Variants in ADGRL2 observed in about 807,000 individuals in gnomAD.
ADGRL2 encodes the protein calcium-independent alpha-latrotoxin receptor 2.
Under a neutral mutation model 157.4 loss-of-function variants are expected in ADGRL2, and 44 were observed. The observed-to-expected ratio is 0.28, with a 90% CI of 0.22 to 0.36. The LOEUF (loss-of-function observed/expected upper bound fraction) is 0.36. Among genes scored for constraint, ADGRL2 ranks in the 10% least tolerant of loss-of-function variants. ADGRL2 has a pLI of 1.00. For missense variants in ADGRL2, 1,510 were observed against 1,768.9 expected (o/e 0.85, Z 2.63); for synonymous variants, 585 against 624.7 (o/e 0.94, Z 0.95).
At chr1:81,449,087 T>A (rs969218829) in intron 2 of ADGRL2, among the ~76,000 whole-genome samples, 1 of 152,186 alleles carries the variant, frequency 6.6e-6, no homozygotes, top group Non-Finnish European at 1.5e-5. Flanking sequence ...AAGATGTGGT[T>A]TGAATAATGA....
intron 1 of ADGRL2, among the ~76,000 whole-genome samples, chr1:81,396,955 G>T (rs1016731010): frequency 5.3e-5 from 8 of 152,048 alleles, no homozygotes; most frequent in Non-Finnish European, 1.2e-4. Context: ...TTGTGTTCTT[G>T]TCTGATTTTG....
At chr1:81,988,664 A>G (rs2149521083) in intron 23 of ADGRL2, among the ~76,000 whole-genome samples, 1 of 152,262 alleles carries the variant, frequency 6.6e-6, no homozygotes, top group East Asian at 1.9e-4. Flanking sequence ...CAAATCACTA[A>G]CAAATATAAT....
intron 1 of ADGRL2, among the ~76,000 whole-genome samples, chr1:81,701,435 G>A (rs541677208): frequency 8.5e-5 from 13 of 152,188 alleles, no homozygotes; most frequent in Admixed American, 5.2e-4. Flanking sequence ...CTTTTCTGTC[G>A]AATCTAGTAT....
At chr1:81,545,600 T>C (rs954983410) in intron 2 of ADGRL2, among the ~76,000 whole-genome samples, 1 of 152,142 alleles carries the variant, frequency 6.6e-6, no homozygotes, top group South Asian at 2.1e-4. Context: ...CTAATGAGCA[T>C]CTAAGTTCCA....
intron 1 of ADGRL2, among the ~76,000 whole-genome samples, chr1:81,324,950 C>T (rs965548642): frequency 6.6e-6 from 1 of 152,062 alleles, no homozygotes; most frequent in African/African-American, 2.4e-5. Flanking sequence ...CTCCTGGCCT[C>T]AGGTGATCCA....
intron 3 of ADGRL2, among the ~76,000 whole-genome samples, chr1:81,914,466 A>G (rs1038938819): frequency 6.6e-6 from 1 of 152,152 alleles, no homozygotes; most frequent in Non-Finnish European, 1.5e-5. Flanking sequence ...CTTGCTTAGC[A>G]TATTCATTCA....
At chr1:81,636,640 A>G (rs2148781712) in intron 3 of ADGRL2, among the ~76,000 whole-genome samples, 1 of 152,278 alleles carries the variant, frequency 6.6e-6, no homozygotes, top group African/African-American at 2.4e-5. Flanking sequence ...AGTTTTCCCC[A>G]AACTGAGCTC....
chr1:81,811,593 T>G (rs1203681469), intron 1 of ADGRL2, among the ~76,000 whole-genome samples: 1 of 151,692 alleles, frequency 6.6e-6, no homozygotes. Flanking sequence ...GAAGAGCACA[T>G]TGTGTAAACA....
intron 17 of ADGRL2, among the ~76,000 whole-genome samples, chr1:81,977,821 C>T (rs1297362785): frequency 6.6e-6 from 1 of 151,576 alleles, no homozygotes; most frequent in Non-Finnish European, 1.5e-5. Flanking sequence ...AAAAAAAACC[C>T]TTATGTTCAG....
At chr1:81,487,760 G>A (rs1056550778) in intron 2 of ADGRL2, among the ~76,000 whole-genome samples, 2 of 152,046 alleles carry the variant, frequency 1.3e-5, no homozygotes, top group African/African-American at 4.8e-5. Context: ...CCATGTTAAG[G>A]TTATACTCCA....
intron 2 of ADGRL2, among the ~76,000 whole-genome samples, chr1:81,858,438 A>T (rs574895199): frequency 6.6e-6 from 1 of 152,330 alleles, no homozygotes; most frequent in South Asian, 2.1e-4. Flanking sequence ...CAAAGAACTG[A>T]AACTAAGGAC....
Position 81,377,778 on chromosome 1 carries a change from A to G in ADGRL2, c.-301-67258A>G, listed in dbSNP as rs548075723. ...ACCCTTTTAAAAACTTCAAAAAAAG[A>G]AAGTGTATTACCCATCCTACCTCCT... On this transcript the variant is annotated intron_variant, in intron 1 of 24. Transcript: ENST00000370721. 4.0e-4 allele frequency among the ~76,000 whole-genome samples: 53 copies of G among 132,570 alleles called. No homozygotes were observed. In the South Asian group the frequency reaches 0.015, roughly 38 times the overall value. 87.0% of individuals were successfully genotyped at this position (132,570 alleles called of 152,430 possible).
chr1:81,511,427 T>C (rs1030648856), intron 2 of ADGRL2, among the ~76,000 whole-genome samples: 12 of 115,890 alleles, frequency 1.0e-4, no homozygotes, highest in African/African-American at 3.8e-4. Context: ...CACACACACA[T>C]AGACACATAC....
At chr1:81,412,088 A>G (rs528619112) in intron 1 of ADGRL2, among the ~76,000 whole-genome samples, 1 of 152,286 alleles carries the variant, frequency 6.6e-6, no homozygotes, top group East Asian at 1.9e-4. Flanking sequence ...TCATGCATAA[A>G]TTCACATAAT....
At chr1:81,712,005 A>G (rs1455214232) in intron 1 of ADGRL2, among the ~76,000 whole-genome samples, 2 of 152,208 alleles carry the variant, frequency 1.3e-5, no homozygotes, top group Non-Finnish European at 2.9e-5. Context: ...CCTGAAGGAC[A>G]CCCAAGTGTC....
At chr1:81,962,117 C>T (rs1051934899) in intron 11 of ADGRL2, among the ~76,000 whole-genome samples, 1 of 152,156 alleles carries the variant, frequency 6.6e-6, no homozygotes, top group East Asian at 1.9e-4. Flanking sequence ...TTACTAAATA[C>T]TGCCAAATTG....
At chr1:81,952,190 GCT>G in intron 9 of ADGRL2, 48 bp downstream of exon 9, 1 of 1,469,614 alleles carries the variant, frequency 6.8e-7, no homozygotes, top group Non-Finnish European at 9.3e-7. Context: ...TGGTATGGCA[GCT>G]CTTTCTTGTC....
intron 23 of ADGRL2, among the ~76,000 whole-genome samples, chr1:81,989,039 A>G (rs764256951): frequency 1.3e-5 from 2 of 151,670 alleles, no homozygotes; most frequent in Non-Finnish European, 1.5e-5. Context: ...TCCATGGTGC[A>G]GACCATTTAA....
intron 1 of ADGRL2, among the ~76,000 whole-genome samples, chr1:81,334,312 T>G (rs767793064): frequency 6.6e-6 from 1 of 152,188 alleles, no homozygotes; most frequent in Non-Finnish European, 1.5e-5. Context: ...CAATAATGTG[T>G]ATATTACATT....
Sources: allele counts gnomAD v4.1 joint callset (sites outside exome capture counted in the v4.1 genomes callset), GRCh38; gene constraint gnomAD v4.1.1; transcripts MANE v1.5; gene names NCBI Gene and HGNC (gene_info 2026-07-23, HGNC 2026-07-21).